CTNND2: variants seen among roughly 807,000 people sequenced by gnomAD.
CTNND2 encodes the protein catenin delta 2.
In CTNND2, 22 loss-of-function variants were observed where a neutral mutation model predicts 144.4. That is an observed-to-expected ratio of 0.15 (90% CI 0.11 to 0.22). The LOEUF is 0.22. Ranked by LOEUF, CTNND2 falls within the 10% of genes least tolerant of loss-of-function variation. CTNND2 has a pLI of 1.00. For synonymous variants in CTNND2, 751 were observed against 695.6 expected, an observed-to-expected ratio of 1.08 and a Z score of -1.25; for missense variants, 1,353 against 1,618.8, an observed-to-expected ratio of 0.84 and a Z score of 2.82.
chr5:11,844,026 G>C (rs993196370), intron 1 of CTNND2, among the ~76,000 whole-genome samples: 1 of 152,140 alleles, frequency 6.6e-6, no homozygotes, highest in Non-Finnish European at 1.5e-5. Flanking sequence ...CTGAGTCCCA[G>C]TTGTCATCAA....
In CTNND2 at chr5:11,452,288, C is replaced by T. The variant is rs1008250471; in HGVS notation, c.288-40219G>A. Among the ~76,000 whole-genome samples the T allele has an allele frequency of 4.6e-5, 7 of 152,150 alleles. 2 individuals carry two copies. The highest frequency in any genetic ancestry group is 4.6e-4 in the Admixed American group (7 of 15,284). ...GTTTTATCACAAGTCCCTGAATTAA[C>T]GAAGAGACTATATTGGTAAACAGAA... On this transcript the variant is annotated intron_variant, in intron 3 of 21. Transcript: ENST00000304623.
chr5:11,679,322 T>C (rs1057151594), intron 2 of CTNND2, among the ~76,000 whole-genome samples: 1 of 152,220 alleles, frequency 6.6e-6, no homozygotes, highest in South Asian at 2.1e-4. Flanking sequence ...TGAGTACCTA[T>C]ATGGGCCAGG....
intron 2 of CTNND2, among the ~76,000 whole-genome samples, chr5:11,626,552 G>A (rs1781167046): frequency 6.6e-6 from 1 of 152,048 alleles, no homozygotes. Flanking sequence ...CACTTAAGTT[G>A]TTAAGTGGTT....
chr5:11,233,769 C>T (rs758066522), intron 10 of CTNND2, among the ~76,000 whole-genome samples: 2 of 151,590 alleles, frequency 1.3e-5, no homozygotes, highest in Non-Finnish European at 2.9e-5. Flanking sequence ...CACATATGCA[C>T]GCCTCCCTAT....
Position 11,667,689 on chromosome 5 carries a change from C to CAA in CTNND2, c.174+64445_174+64446dup, listed in dbSNP as rs541544936. On this transcript the variant is annotated intron_variant, in intron 2 of 21. Transcript: ENST00000304623. Reference sequence around the variant, plus strand: ...AGCCCTTTGTCAGATGGATGGATTGCAAAAATTTTCTCCCATTCTGTAGAT... The same window carrying CAA: ...AGCCCTTTGTCAGATGGATGGATTGCAAAAAAATTTTCTCCCATTCTGTAGAT... Among the ~76,000 whole-genome samples the CAA allele has an allele frequency of 2.6e-3, 403 of 152,250 alleles. 2 individuals carry two copies. The highest frequency in any genetic ancestry group is 9.2e-3 in the African/African-American group (382 of 41,554).
chr5:11,281,513 G>T (rs1747110661), intron 9 of CTNND2, among the ~76,000 whole-genome samples: 1 of 152,210 alleles, frequency 6.6e-6, no homozygotes, highest in Non-Finnish European at 1.5e-5. Flanking sequence ...AACATTTGTG[G>T]ACTGAATCTG....
chr5:11,728,607 G>A (rs989242460), intron 2 of CTNND2, among the ~76,000 whole-genome samples: 2 of 152,056 alleles, frequency 1.3e-5, no homozygotes, highest in Non-Finnish European at 2.9e-5. Context: ...CTAAATAATG[G>A]TACTCAAAAA....
At position 11,903,340 on chromosome 5, in the gene CTNND2, G is replaced by A; in HGVS notation, c.37+477C>T. The A allele has an allele frequency of 1.0e-5, 10 of 987,076 alleles. No homozygotes were observed. The highest frequency in any genetic ancestry group is 1.1e-5 in the Non-Finnish European group (9 of 831,154). The allele number at this position is 987,076 out of a possible 1,614,324, so 61.1% of individuals were successfully genotyped here. ...GGAGCCTGAAGACACGGCCATGGAC[G>A]CATATGACTAAGTCTTTCCATTTTG... On this transcript the variant is annotated intron_variant, in intron 1 of 21. Coordinates refer to ENST00000304623, the MANE Select transcript of CTNND2 (RefSeq NM_001332.4). This position sits in a 1 kb window ranked among gnomAD's most constrained non-coding sequence, Gnocchi z 5.4.
chr5:11,281,377 T>A (rs1747096041), intron 9 of CTNND2, among the ~76,000 whole-genome samples: 1 of 152,192 alleles, frequency 6.6e-6, no homozygotes, highest in African/African-American at 2.4e-5. Context: ...TCACGAGAGG[T>A]GTTAGTGCTA....
chr5:11,645,507 C>T (rs192545903), intron 2 of CTNND2, among the ~76,000 whole-genome samples: 14 of 152,238 alleles, frequency 9.2e-5, no homozygotes, highest in Admixed American at 7.9e-4. Flanking sequence ...TTCAATTATA[C>T]GTGAATGATT....
At chr5:11,540,176 G>A (rs1351529878) in intron 3 of CTNND2, among the ~76,000 whole-genome samples, 2 of 152,088 alleles carry the variant, frequency 1.3e-5, no homozygotes, top group East Asian at 1.9e-4. Flanking sequence ...TATACAACCC[G>A]ACACAGGTTA....
At chr5:11,519,430 C>T (rs188137851) in intron 3 of CTNND2, among the ~76,000 whole-genome samples, 128 of 152,038 alleles carry the variant, frequency 8.4e-4, no homozygotes, top group Middle Eastern at 6.8e-3. Flanking sequence ...CAGCTGACAG[C>T]CTTATCTTTG....
At chr5:11,431,618 G>T (rs1166869058) in intron 3 of CTNND2, among the ~76,000 whole-genome samples, 1 of 152,186 alleles carries the variant, frequency 6.6e-6, no homozygotes, top group Non-Finnish European at 1.5e-5. Flanking sequence ...ATGCTGTGGG[G>T]AAGCCCGCGT....
At chr5:11,742,665 T>C (rs1238463755) in intron 1 of CTNND2, among the ~76,000 whole-genome samples, 1 of 152,180 alleles carries the variant, frequency 6.6e-6, no homozygotes, top group Non-Finnish European at 1.5e-5. Context: ...ACATCCCAGG[T>C]ATTGTTATTT....
intron 2 of CTNND2, among the ~76,000 whole-genome samples, chr5:11,649,464 T>G (rs1165376918): frequency 6.6e-6 from 1 of 152,094 alleles, no homozygotes; most frequent in Non-Finnish European, 1.5e-5. Context: ...ATTACAGGTG[T>G]GCACCACCAC....
At chr5:11,598,781 A>C (rs1779644772) in intron 2 of CTNND2, among the ~76,000 whole-genome samples, 1 of 152,194 alleles carries the variant, frequency 6.6e-6, no homozygotes, top group South Asian at 2.1e-4. Flanking sequence ...TATTATAGTG[A>C]AACTCATTAA....
At chr5:11,751,590 TGC>T (rs946965511) in intron 1 of CTNND2, among the ~76,000 whole-genome samples, 5 of 151,940 alleles carry the variant, frequency 3.3e-5, no homozygotes, top group Non-Finnish European at 5.9e-5. Context: ...CTGCATAGTA[TGC>T]CACAGTGTAT....
intron 9 of CTNND2, among the ~76,000 whole-genome samples, chr5:11,326,041 G>A (rs956009672): frequency 1.3e-5 from 2 of 152,124 alleles, no homozygotes; most frequent in Admixed American, 6.5e-5. Flanking sequence ...ACACACACAT[G>A]CGCCACCTCT....
intron 9 of CTNND2, among the ~76,000 whole-genome samples, chr5:11,297,832 C>A (rs1219667830): frequency 2.0e-5 from 3 of 152,078 alleles, no homozygotes; most frequent in Admixed American, 6.6e-5. Context: ...AAAATCTATT[C>A]CACCCACCAT....
Sources: allele counts gnomAD v4.1 joint callset (sites outside exome capture counted in the v4.1 genomes callset), GRCh38; gene constraint gnomAD v4.1.1; non-coding constraint Gnocchi (gnomAD v3.1); transcripts MANE v1.5; gene names NCBI Gene and HGNC (gene_info 2026-07-23, HGNC 2026-07-21).